SLC19A1: variants seen among roughly 807,000 people sequenced by gnomAD.
SLC19A1 encodes solute carrier family 19 member 1.
Under a neutral mutation model 35.3 loss-of-function variants are expected in SLC19A1, and 37 were observed. The observed-to-expected ratio is 1.05, with a 90% CI of 0.81 to 1.38. SLC19A1 has a LOEUF of 1.38. SLC19A1 is among the 40% of genes most tolerant of loss of function. SLC19A1 has a pLI of 0.00. For missense variants in SLC19A1, 831 were observed against 826.9 expected, an observed-to-expected ratio of 1.00 and a Z score of -0.06; for synonymous variants, 460 against 398.5, an observed-to-expected ratio of 1.15 and a Z score of -1.84.
intron 4 of SLC19A1, among the ~76,000 whole-genome samples, chr21:45,527,915 T>C (rs1323989754): frequency 6.8e-6 from 1 of 147,958 alleles, no homozygotes. Flanking sequence ...TCCGATGCAG[T>C]TCCAATTAAA....
At position 45,540,711 on chromosome 21, in the gene SLC19A1, C is replaced by A. The variant is rs1276557404; in HGVS notation, c.-50+1657G>T. On this transcript the variant is annotated intron_variant, in intron 1 of 5. Transcript: ENST00000311124. This position sits in a 1 kb window ranked among gnomAD's most constrained non-coding sequence, Gnocchi z 5.5. ...AGACTCCAAGTGTCCAGACCCCAGCCCAGTCCCATACAGCTTGAGGCCTCT... is the reference window on the plus strand; with the variant it reads ...AGACTCCAAGTGTCCAGACCCCAGCACAGTCCCATACAGCTTGAGGCCTCT... 2.0e-5 allele frequency among the ~76,000 whole-genome samples: 3 copies of A among 152,196 alleles called. No homozygotes were observed. Among genetic ancestry groups the A allele is most frequent in the Non-Finnish European group, 4.4e-5 (3 of 68,044 alleles).
Position 45,530,688 on chromosome 21 carries a change from G to T in SLC19A1, c.1151+82C>A. The T allele has an allele frequency of 7.2e-7, 1 of 1,397,508 alleles. No individual in the cohort carries two copies. Among genetic ancestry groups the T allele is most frequent in the Non-Finnish European group, 9.8e-7 (1 of 1,024,142 alleles). 86.6% of individuals were successfully genotyped at this position (1,397,508 alleles called of 1,614,324 possible). A position where few individuals can be genotyped will look rare whatever the true frequency, so the allele number is the denominator to read the frequency against. ...GTGGCACAGCCGCTGGGGCGCAGCAGGAAGGTGGGAGCACCCAGCGAAGCG... is the reference window on the plus strand; with the variant it reads ...GTGGCACAGCCGCTGGGGCGCAGCATGAAGGTGGGAGCACCCAGCGAAGCG... On this transcript the variant is annotated intron_variant, in intron 4 of 5. Transcript: ENST00000311124. The surrounding 1 kb of genome is among the most constrained non-coding windows in gnomAD (Gnocchi z 5.3).
intron 5 of SLC19A1, among the ~76,000 whole-genome samples, chr21:45,522,738 T>A (rs1208155828): frequency 6.6e-6 from 1 of 152,130 alleles, no homozygotes; most frequent in Non-Finnish European, 1.5e-5. Flanking sequence ...CCCTAAACGA[T>A]ACACAATGCA....
intron 1 of SLC19A1, among the ~76,000 whole-genome samples, chr21:45,560,247 GGCCCACACAGGGACGT>G: frequency 6.6e-6 from 1 of 152,228 alleles, no homozygotes; most frequent in Non-Finnish European, 1.5e-5. Context: ...AGCCACACAG[GGCCCACACAGGGACGT>G]GCCCACGGCT....
chr21:45,556,192 G>C (rs772793541), intron 1 of SLC19A1, among the ~76,000 whole-genome samples: 2 of 152,244 alleles, frequency 1.3e-5, no homozygotes, highest in Non-Finnish European at 2.9e-5. Context: ...CCACCCCGGG[G>C]ATGACCAGCA....
At chr21:45,556,764 T>G (rs917218010) in intron 1 of SLC19A1, among the ~76,000 whole-genome samples, 3 of 152,076 alleles carry the variant, frequency 2.0e-5, no homozygotes. Context: ...GTATTTTAAA[T>G]GTTCTCTCAC....
intron 1 of SLC19A1, among the ~76,000 whole-genome samples, chr21:45,558,806 C>T (rs957870464): frequency 1.4e-5 from 2 of 139,002 alleles, no homozygotes; most frequent in African/African-American, 2.6e-5. Flanking sequence ...TTTTCTTTTT[C>T]TTTTTTCTTT....
rs1200423176 is a variant in SLC19A1 at position 45,540,687 on chromosome 21, G to A, written c.-50+1681C>T. Among the ~76,000 whole-genome samples the A allele has an allele frequency of 1.3e-5, 2 of 152,174 alleles. No homozygotes were observed. The highest frequency in any genetic ancestry group is 4.8e-5 in the African/African-American group (2 of 41,452). Reference sequence around the variant, plus strand: ...GCAGCCCCAAGCCAGGGGACGCCTAGACTCCAAGTGTCCAGACCCCAGCCC... The same window carrying A: ...GCAGCCCCAAGCCAGGGGACGCCTAAACTCCAAGTGTCCAGACCCCAGCCC... On this transcript the variant is annotated intron_variant, in intron 1 of 5. Transcript: ENST00000311124. The surrounding 1 kb of genome is among the most constrained non-coding windows in gnomAD (Gnocchi z 5.5).
rs1757159768 is a variant in SLC19A1 at position 45,530,969 on chromosome 21, C to T, written c.952G>A (p.Ala318Thr). 2.1e-6 allele frequency: 3 copies of T among 1,418,394 alleles called. No individual in the cohort carries two copies. The highest frequency in any genetic ancestry group is 2.9e-5 in the Admixed American group (1 of 35,058). 87.9% of individuals were successfully genotyped at this position (1,418,394 alleles called of 1,614,324 possible). The change falls in exon 4 of 6, where the codon GCC becomes ACC. Residue 318 changes from alanine to threonine, a missense_variant and splice_region_variant. Ala to Thr is a moderately conservative substitution (Grantham distance 58). Transcript: ENST00000311124. This position sits in a 1 kb window ranked among gnomAD's most constrained non-coding sequence, Gnocchi z 5.3. ...AADAASTLLG[A>T]ITSFAAGFVK... ...AAGCCCGCGGCGAAGGACGTGATGG[C>T]GCCTGAGAGGGGAGGGATGGGGCGT...
At chr21:45,542,879 C>T (rs1193862661), upstream of SLC19A1, among the ~76,000 whole-genome samples, 1 of 151,956 alleles carries the variant, frequency 6.6e-6, no homozygotes, top group Non-Finnish European at 1.5e-5. Context: ...CATTCCTGGC[C>T]GCAAGCTGGA....
intron 3 of SLC19A1, chr21:45,503,000 G>A (rs2036945369): frequency 6.6e-6 from 1 of 152,030 alleles, no homozygotes; most frequent in African/African-American, 2.4e-5. Context: ...TTTTAAAAAG[G>A]CACCATTGTG....
chr21:45,503,648 AGG>A (rs1399435227), intron 3 of SLC19A1, among the ~76,000 whole-genome samples: 2 of 56,296 alleles, frequency 3.6e-5, no homozygotes, highest in Non-Finnish European at 6.4e-5. Flanking sequence ...GGGTGGGGGG[AGG>A]GGGGAGGGAT....
At chr21:45,505,178 A>G (rs2037117274) in intron 3 of SLC19A1, 3 of 1,606,234 alleles carry the variant, frequency 1.9e-6, no homozygotes, top group East Asian at 4.5e-5. Flanking sequence ...GCCCACCTGG[A>G]CCTCAGGGAC....
intron 1 of SLC19A1, among the ~76,000 whole-genome samples, chr21:45,538,797 T>C (rs2078216258): frequency 6.6e-6 from 1 of 152,174 alleles, no homozygotes; most frequent in Non-Finnish European, 1.5e-5. Context: ...TGAGTGGACC[T>C]GACACGTTCC....
chr21:45,537,420 C>T (rs1602876906), intron 2 of SLC19A1, among the ~76,000 whole-genome samples: 1 of 151,150 alleles, frequency 6.6e-6, no homozygotes, highest in Admixed American at 6.6e-5. Flanking sequence ...CATAGGCGGC[C>T]GCCCTGGCAC....
rs1318727279 is a variant in SLC19A1 at position 45,513,407 on chromosome 21, C to G, written c.*2251G>C. 1 of 152,280 alleles carries G rather than the reference C, an allele frequency of 6.6e-6. No individual in the cohort carries two copies. The highest frequency in any genetic ancestry group is 2.4e-5 in the African/African-American group (1 of 41,470). 9.4% of individuals were successfully genotyped at this position (152,280 alleles called of 1,614,324 possible). Reference sequence around the variant, plus strand: ...AGTCATTGGCTGTCTCCTAGGAAACCCATATCCTTACCCTCCTTGGGACTG... The same window carrying G: ...AGTCATTGGCTGTCTCCTAGGAAACGCATATCCTTACCCTCCTTGGGACTG... On this transcript the variant is annotated 3_prime_UTR_variant, in exon 6 of 6. Transcript: ENST00000311124.
intron 2 of SLC19A1, chr21:45,536,128 C>T (rs1175258681): frequency 5.9e-6 from 1 of 170,674 alleles, no homozygotes; most frequent in African/African-American, 2.4e-5. Context: ...GGGGGCCCCA[C>T]CAAGTGGCAG....
rs539232109 is a variant in SLC19A1 at position 45,522,827 on chromosome 21, G to A, written c.1293+2990C>T. ...AGGGTAGTGGCTGCCAGGGGTTAAA[G>A]AGGACGTGAGGCTGGGAGTAGGGTG... On this transcript the variant is annotated intron_variant, in intron 5 of 5. Transcript: ENST00000311124. Among the ~76,000 whole-genome samples, 13 of 152,310 alleles carry A rather than the reference G, an allele frequency of 8.5e-5. No homozygotes were observed. In the East Asian group the frequency reaches 1.9e-3, roughly 23 times the overall value.
At chr21:45,538,048 T>A in intron 1 of SLC19A1, 40 bp from the exon 2 acceptor site, 2 of 1,184,548 alleles carry the variant, frequency 1.7e-6, no homozygotes, top group Admixed American at 2.9e-5. Flanking sequence ...TGGAAGATGG[T>A]CTGCAGGCCT....
Sources: gnomAD v4.1 joint callset for allele counts (sites outside exome capture counted in the v4.1 genomes callset) on GRCh38, gnomAD v4.1.1 for gene constraint, Gnocchi (gnomAD v3.1) non-coding constraint, MANE v1.5 for transcripts, NCBI Gene and HGNC (gene_info 2026-07-23, HGNC 2026-07-21) for gene names.